The following ATXN7L1 variants were observed in gnomAD, a reference collection of about 807,000 sequenced individuals.
ATXN7L1 encodes the protein ataxin-7-like protein 1.
A neutral mutation model predicts 70.8 loss-of-function variants in ATXN7L1; 15 were observed. The observed-to-expected ratio is 0.21, with a 90% CI of 0.14 to 0.33. The LOEUF (loss-of-function observed/expected upper bound fraction) is 0.33, where lower values mean the gene tolerates loss of function less well. Among genes scored for constraint, ATXN7L1 ranks in the 10% least tolerant of loss-of-function variants. ATXN7L1 has a pLI of 1.00. For synonymous variants in ATXN7L1, 440 were observed against 445.1 expected (o/e 0.99, Z 0.14); for missense variants, 975 against 1,097.1 (o/e 0.89, Z 1.57).
At chr7:105,727,736 GTGTA>G (rs1410160254) in intron 3 of ATXN7L1, among the ~76,000 whole-genome samples, 4 of 50,522 alleles carry the variant, frequency 7.9e-5, no homozygotes, top group African/African-American at 4.9e-4. Flanking sequence ...GGGTGTGTGT[GTGTA>G]TGTGTGTATA....
intron 3 of ATXN7L1, among the ~76,000 whole-genome samples, chr7:105,699,355 C>T (rs1258042377): frequency 6.6e-6 from 1 of 152,216 alleles, no homozygotes; most frequent in Non-Finnish European, 1.5e-5. Flanking sequence ...TGGTCTCAAA[C>T]TCCTGACCTC....
In ATXN7L1 at chr7:105,612,530, T is replaced by C. The variant is rs139947108; in HGVS notation, c.2472+1332A>G. ...GTATATGTTCAAACTTGAGAGGCCT[T>C]GGCTCTGCCCTCCATCCTGGGACCT... On this transcript the variant is annotated intron_variant, in intron 10 of 11. Coordinates refer to ENST00000419735, the MANE Select transcript of ATXN7L1 (RefSeq NM_020725.2). 2.5e-3 allele frequency among the ~76,000 whole-genome samples: 377 copies of C among 152,288 alleles called. 1 individual carries two copies. Among genetic ancestry groups the C allele is most frequent in the African/African-American group, 8.5e-3 (354 of 41,582 alleles).
intron 3 of ATXN7L1, among the ~76,000 whole-genome samples, chr7:105,667,481 C>CCT (rs1802803737): frequency 1.0e-5 from 1 of 98,426 alleles, no homozygotes; most frequent in Admixed American, 1.2e-4. Flanking sequence ...GGGCGGATCA[C>CCT]GAGGTCAGGA....
intron 3 of ATXN7L1, among the ~76,000 whole-genome samples, chr7:105,733,705 T>C (rs1374781307): frequency 2.8e-5 from 4 of 141,528 alleles, no homozygotes; most frequent in African/African-American, 5.3e-5. Flanking sequence ...CATCCATTCA[T>C]CCATCCACCC....
At chr7:105,854,287 C>A (rs1366163421) in intron 2 of ATXN7L1, among the ~76,000 whole-genome samples, 2 of 152,072 alleles carry the variant, frequency 1.3e-5, no homozygotes, top group East Asian at 1.9e-4. Context: ...CAAAATGCAA[C>A]TGGTGGGACC....
chr7:105,835,601 C>T (rs1033231564), intron 2 of ATXN7L1, among the ~76,000 whole-genome samples: 1 of 152,116 alleles, frequency 6.6e-6, no homozygotes, highest in African/African-American at 2.4e-5. Flanking sequence ...CAGAGCTCAG[C>T]GGAGACGGAC....
chr7:105,832,837 C>T lies in ATXN7L1; in HGVS notation c.250+42975G>A, dbSNP rs149597483. 2.0e-3 allele frequency among the ~76,000 whole-genome samples: 312 copies of T among 152,264 alleles called. 2 individuals carry two copies. Among genetic ancestry groups the T allele is most frequent in the African/African-American group, 7.3e-3 (305 of 41,546 alleles). On this transcript the variant is annotated intron_variant, in intron 2 of 11. Transcript: ENST00000419735. ...AAGAATCTAAGAATCTTCCTTGACG[C>T]CTCTCTTGCCCACATCCCACCTTTA...
intron 4 of ATXN7L1, among the ~76,000 whole-genome samples, chr7:105,646,100 C>T (rs1798977093): frequency 6.6e-6 from 1 of 151,880 alleles, no homozygotes; most frequent in African/African-American, 2.4e-5. Flanking sequence ...TTGCTTGAGC[C>T]TAGGAGTTTG....
chr7:105,793,583 G>A (rs1178661456), intron 2 of ATXN7L1, among the ~76,000 whole-genome samples: 2 of 152,152 alleles, frequency 1.3e-5, no homozygotes, highest in African/African-American at 2.4e-5. Flanking sequence ...ACAGAGGAAG[G>A]CTGAGAGCCA....
intron 3 of ATXN7L1, among the ~76,000 whole-genome samples, chr7:105,676,096 G>C (rs1347405415): frequency 6.6e-6 from 1 of 152,080 alleles, no homozygotes; most frequent in East Asian, 1.9e-4. Context: ...AACGGACGCG[G>C]CCCTCAGAAG....
chr7:105,786,789 A>C (rs1464347394), intron 3 of ATXN7L1, among the ~76,000 whole-genome samples: 1 of 152,180 alleles, frequency 6.6e-6, no homozygotes, highest in Non-Finnish European at 1.5e-5. Flanking sequence ...TGCTCGGATT[A>C]TAAGTGTAAG....
chr7:105,850,139 A>G (rs1814658139), intron 2 of ATXN7L1, among the ~76,000 whole-genome samples: 1 of 152,262 alleles, frequency 6.6e-6, no homozygotes. Flanking sequence ...AGAGTTGATG[A>G]AATATAATGA....
intron 2 of ATXN7L1, among the ~76,000 whole-genome samples, chr7:105,874,012 C>T (rs1387856133): frequency 6.6e-6 from 1 of 151,064 alleles, no homozygotes. Flanking sequence ...GTAGTTCCAG[C>T]TATGCAGGAG....
chr7:105,672,457 T>A (rs566391469), intron 3 of ATXN7L1, among the ~76,000 whole-genome samples: 2 of 152,346 alleles, frequency 1.3e-5, no homozygotes, highest in Admixed American at 1.3e-4. Context: ...TAGGTAATAT[T>A]CAATCATTAA....
chr7:105,638,712 G>C, intron 6 of ATXN7L1, 103 bp from the exon 7 acceptor site: 1 of 1,410,470 alleles, frequency 7.1e-7, no homozygotes, highest in African/African-American at 1.4e-5. Flanking sequence ...AAATTTAGAG[G>C]TGCTTGAAAA....
At chr7:105,717,319 G>A (rs1159062872) in intron 3 of ATXN7L1, among the ~76,000 whole-genome samples, 1 of 152,010 alleles carries the variant, frequency 6.6e-6, no homozygotes, top group African/African-American at 2.4e-5. Context: ...GTAGAGACGG[G>A]GTTTTGCCAT....
chr7:105,825,027 G>A (rs772923394), intron 2 of ATXN7L1, among the ~76,000 whole-genome samples: 42 of 152,048 alleles, frequency 2.8e-4, no homozygotes, highest in Non-Finnish European at 2.4e-4. Context: ...AAAGCTTTCA[G>A]AGAACGAAAG....
At chr7:105,632,920 T>TA (rs1663540801) in intron 7 of ATXN7L1, among the ~76,000 whole-genome samples, 9 of 65,240 alleles carry the variant, frequency 1.4e-4, no homozygotes, top group Non-Finnish European at 2.5e-4. Context: ...AATCTTGTCT[T>TA]TAAAAAAAAA....
chr7:105,644,602 T>A (rs777397619), intron 4 of ATXN7L1, among the ~76,000 whole-genome samples: 4 of 152,204 alleles, frequency 2.6e-5, no homozygotes, highest in Non-Finnish European at 5.9e-5. Flanking sequence ...CTCAAAGCAC[T>A]CCCATATCAC....
Sources: gnomAD v4.1 joint callset for allele counts (sites outside exome capture counted in the v4.1 genomes callset) on GRCh38, gnomAD v4.1.1 for gene constraint, MANE v1.5 for transcripts, NCBI Gene and HGNC (gene_info 2026-07-23, HGNC 2026-07-21) for gene names.